MAP1B: variants seen among roughly 807,000 people sequenced by gnomAD.
The protein encoded by MAP1B is microtubule-associated protein 1B.
Under a neutral mutation model 176.1 loss-of-function variants are expected in MAP1B, and 12 were observed. The ratio of observed to expected loss-of-function variants is 0.07; its 90% CI spans 0.04 to 0.11. The LOEUF is 0.11. MAP1B is among the 10% of genes least tolerant of loss of function. The pLI, the probability that MAP1B is intolerant of heterozygous loss-of-function variation, is 1.00. For synonymous variants in MAP1B, 1,044 were observed against 1,135.0 expected (o/e 0.92, Z 1.61); for missense variants, 2,523 against 2,990.5 (o/e 0.84, Z 3.65).
At chr5:72,136,383 A>G (rs1263934647) in intron 2 of MAP1B, among the ~76,000 whole-genome samples, 1 of 152,154 alleles carries the variant, frequency 6.6e-6, no homozygotes, top group African/African-American at 2.4e-5. Context: ...CTGTCTGGAG[A>G]TGGCCAGATA....
chr5:72,125,383 A>G lies in MAP1B; in HGVS notation c.286+9584A>G, dbSNP rs573423564. Reference sequence around the variant, plus strand: ...GAGAAAACCTTATCTGTTCTCATCTATTATAAAGGAGACAATCCTTTCATT... The same window carrying G: ...GAGAAAACCTTATCTGTTCTCATCTGTTATAAAGGAGACAATCCTTTCATT... On this transcript the variant is annotated intron_variant, in intron 2 of 6. Transcript: ENST00000296755. 2.6e-5 allele frequency among the ~76,000 whole-genome samples: 4 copies of G among 152,328 alleles called. No homozygotes were observed. The East Asian group carries it at 5.8e-4, about 22-fold the overall frequency.
chr5:72,181,985 A>C (rs1305409421), intron 2 of MAP1B, among the ~76,000 whole-genome samples: 1 of 148,602 alleles, frequency 6.7e-6, no homozygotes, highest in Non-Finnish European at 1.5e-5. Flanking sequence ...TGGCCTCCCC[A>C]AGTGCTGGGA....
Position 72,203,723 on chromosome 5 carries a change from C to T in MAP1B, c.7173C>T (p.Asp2391=), listed in dbSNP as rs1343370835. The change falls in exon 6 of 7, where the codon GAC becomes GAT. Residue 2391 remains aspartate, a synonymous_variant. Transcript: ENST00000296755. ...CCTACTACGTGGTGAGTGGGAATGA[C>T]CCTGCTGCTGAGGAGCCCAGCCGGG... is the stretch of plus-strand genomic sequence containing the variant. The part of the protein sequence containing the change: ...RSSYYVVSGN[D]PAAEEPSRAV... 1 of 1,613,942 alleles carries T rather than the reference C, an allele frequency of 6.2e-7. No homozygotes were observed. Among genetic ancestry groups the T allele is most frequent in the East Asian group, 2.2e-5 (1 of 44,872 alleles).
chr5:72,142,212 G>A (rs746834802), intron 2 of MAP1B, among the ~76,000 whole-genome samples: 5 of 152,162 alleles, frequency 3.3e-5, no homozygotes, highest in Admixed American at 6.5e-5. Context: ...AGTGGAAGGC[G>A]AATTGGAGCA....
chr5:72,135,811 A>G (rs1246857840), intron 2 of MAP1B, among the ~76,000 whole-genome samples: 1 of 152,168 alleles, frequency 6.6e-6, no homozygotes, highest in Non-Finnish European at 1.5e-5. Context: ...TTTTGCCTTG[A>G]AAGGCAGCTG....
chr5:72,197,665 G>T lies in MAP1B; in HGVS notation c.4310G>T (p.Gly1437Val). 1 of 1,614,160 alleles carries T rather than the reference G, an allele frequency of 6.2e-7. No homozygotes were observed. Among genetic ancestry groups the T allele is most frequent in the East Asian group, 2.2e-5 (1 of 44,880 alleles). Residue 1437 changes from glycine to valine, a missense_variant, in exon 5 of 7, where the codon GGC becomes GTC. Gly to Val is a moderately radical substitution (Grantham distance 109). Around this residue, in one of 4 missense-constraint regions of MAP1B, gnomAD observed 1,925 missense variants for 2,126.0 expected, o/e 0.91. Coordinates refer to ENST00000296755, the MANE Select transcript of MAP1B (RefSeq NM_005909.5). Reference sequence around the variant, plus strand: ...TTTGAAGAAAAGAGTGGAAAACAAGGCTCTCCAGACCAAGTAAGTCCAGTT... The same window carrying T: ...TTTGAAGAAAAGAGTGGAAAACAAGTCTCTCCAGACCAAGTAAGTCCAGTT... ...SPFEEKSGKQ[G>V]SPDQVSPVSE... is the part of the protein sequence containing the mutation.
chr5:72,169,849 A>G (rs1746501589), intron 2 of MAP1B, among the ~76,000 whole-genome samples: 1 of 152,238 alleles, frequency 6.6e-6, no homozygotes, highest in Non-Finnish European at 1.5e-5. Flanking sequence ...GAATTTGGGG[A>G]TAAGAGACAA....
intron 4 of MAP1B, chr5:72,193,277 G>T (rs1421068180): frequency 1.2e-5 from 5 of 425,278 alleles, no homozygotes; most frequent in Non-Finnish European, 2.3e-5. Context: ...TTACATGCCA[G>T]ATCCTGAAAG....
rs1167371260 is a variant in MAP1B at position 72,195,817 on chromosome 5, A to G, written c.2462A>G (p.Lys821Arg). ...GGAATAGCAGCCATTGGCCCTGCCAAAGAACTCGAAGCTGAGAGGTCCCTT... is the reference window on the plus strand; with the variant it reads ...GGAATAGCAGCCATTGGCCCTGCCAGAGAACTCGAAGCTGAGAGGTCCCTT... ...AAGIAAIGPA[K>R]ELEAERSLMS... The change falls in exon 5 of 7, where the codon AAA (lysine) becomes AGA (arginine). Residue 821 changes from lysine (K) to arginine (R), a missense_variant. By Grantham distance (26) the Lys-to-Arg change is conservative (BLOSUM62 2). Around this residue, in one of 4 missense-constraint regions of MAP1B, gnomAD observed 1,925 missense variants for 2,126.0 expected, o/e 0.91. Transcript: ENST00000296755. The G allele has an allele frequency of 2.5e-6, 4 of 1,614,134 alleles. No individual in the cohort carries two copies. The African/African-American group carries it at 5.3e-5, about 22-fold the overall frequency.
chr5:72,186,419 T>C lies in MAP1B; in HGVS notation c.370-195T>C, dbSNP rs185800528. ...AACTGATAACTACACTTATTGGCTT[T>C]GTGGATGATCCTACAGCCAGGGATC... is the stretch of plus-strand genomic sequence containing the variant. On this transcript the variant is annotated intron_variant, in intron 3 of 6. Transcript: ENST00000296755. This position sits in a 1 kb window ranked among gnomAD's most constrained non-coding sequence, Gnocchi z 4.3. 1.6e-4 allele frequency among the ~76,000 whole-genome samples: 24 copies of C among 152,338 alleles called. No individual in the cohort carries two copies. The highest frequency in any genetic ancestry group is 5.8e-4 in the African/African-American group (24 of 41,576).
At chr5:72,118,604 T>C (rs1339584191) in intron 2 of MAP1B, among the ~76,000 whole-genome samples, 2 of 151,366 alleles carry the variant, frequency 1.3e-5, no homozygotes, top group Non-Finnish European at 2.9e-5. Context: ...AAACAGATTT[T>C]TGGGAGGTTT....
Position 72,199,266 on chromosome 5 carries a change from G to T in MAP1B, c.5911G>T (p.Gly1971Cys). 6.2e-7 allele frequency: 1 copy of T among 1,614,094 alleles called. No homozygotes were observed. The highest frequency in any genetic ancestry group is 8.5e-7 in the Non-Finnish European group (1 of 1,180,016). ...EKTTSPPEVS[G>C]YSYEKTERSR... ...GACCACCAGCCCCCCCGAAGTGAGT[G>T]GTTACAGCTATGAAAAGACTGAGAG... The change falls in exon 5 of 7, where the codon GGT (glycine) becomes TGT (cysteine). Residue 1971 changes from glycine to cysteine, a missense_variant. This residue lies in a region of MAP1B where 1,925 missense variants were observed against 2,126.0 expected (regional missense o/e 0.91). Coordinates refer to ENST00000296755, the MANE Select transcript of MAP1B (RefSeq NM_005909.5). This position sits in a 1 kb window ranked among gnomAD's most constrained non-coding sequence, Gnocchi z 4.2.
intron 2 of MAP1B, among the ~76,000 whole-genome samples, chr5:72,155,828 G>A (rs1282535193): frequency 2.7e-5 from 4 of 148,878 alleles, no homozygotes; most frequent in East Asian, 2.0e-4. Flanking sequence ...GTACAGTGGC[G>A]CAATCTCATC....
intron 2 of MAP1B, among the ~76,000 whole-genome samples, chr5:72,131,139 C>A (rs554190812): frequency 1.3e-5 from 2 of 152,264 alleles, no homozygotes; most frequent in Non-Finnish European, 2.9e-5. Flanking sequence ...GAAATAGTCA[C>A]ACAAATTTGT....
Position 72,196,456 on chromosome 5 carries a change from A to T in MAP1B, c.3101A>T (p.Tyr1034Phe). The part of the protein sequence containing the change: ...DKAEDAREEE[Y>F]EPEKMEAEDY... ...GCTGAAGATGCCAGAGAGGAGGAAT[A>T]TGAGCCGGAAAAAATGGAAGCTGAA... The change falls in exon 5 of 7, where the codon TAT becomes TTT. Residue 1034 changes from tyrosine to phenylalanine, a missense_variant. This residue lies in a region of MAP1B where 1,925 missense variants were observed against 2,126.0 expected (regional missense o/e 0.91). Coordinates refer to ENST00000296755, the MANE Select transcript of MAP1B (RefSeq NM_005909.5). The surrounding 1 kb of genome is among the most constrained non-coding windows in gnomAD (Gnocchi z 5.3). The T allele has an allele frequency of 6.2e-7, 1 of 1,613,864 alleles. No homozygotes were observed. Among genetic ancestry groups the T allele is most frequent in the South Asian group, 1.1e-5 (1 of 91,070 alleles).
chr5:72,193,377 TAAAAGAAAA>T, intron 4 of MAP1B: 1 of 311,422 alleles, frequency 3.2e-6, no homozygotes, highest in Non-Finnish European at 6.4e-6. Flanking sequence ...TCTAGTGGAA[TAAAAGAAAA>T]TATTTTTTAT....
At chr5:72,121,411 C>T (rs759761390) in intron 2 of MAP1B, among the ~76,000 whole-genome samples, 6 of 152,202 alleles carry the variant, frequency 3.9e-5, no homozygotes, top group Admixed American at 1.3e-4. Context: ...ATCACATTCA[C>T]AAAAATCATC....
chr5:72,120,794 C>A (rs942288845), intron 2 of MAP1B, among the ~76,000 whole-genome samples: 2 of 152,194 alleles, frequency 1.3e-5, no homozygotes, highest in Admixed American at 6.5e-5. Context: ...GGGCTTGTCA[C>A]ATGGAAACAA....
chr5:72,201,767 A>G (rs905134599), intron 5 of MAP1B, among the ~76,000 whole-genome samples: 1 of 152,362 alleles, frequency 6.6e-6, no homozygotes, highest in Middle Eastern at 3.4e-3. Context: ...TTAAAACTGC[A>G]AATTTTTACT....
Sources: gnomAD v4.1 joint callset for allele counts (sites outside exome capture counted in the v4.1 genomes callset) on GRCh38, gnomAD v4.1.1 for gene constraint, gnomAD v4.1.1 regional missense constraint, Gnocchi (gnomAD v3.1) non-coding constraint, MANE v1.5 for transcripts, NCBI Gene and HGNC (gene_info 2026-07-23, HGNC 2026-07-21) for gene names.